The following ATP8A2 variants were observed in gnomAD, a reference collection of about 807,000 sequenced individuals.
The protein encoded by ATP8A2 is phospholipid-transporting ATPase IB.
ATP8A2 carries 100 observed loss-of-function variants against 165.6 expected under a neutral mutation model. The observed-to-expected ratio is 0.60, with a 90% confidence interval of 0.51 to 0.71. The LOEUF (loss-of-function observed/expected upper bound fraction) is 0.71. ATP8A2 is among the 30% of genes least tolerant of loss of function. The pLI is 0.00. For missense variants in ATP8A2, 1,227 were observed against 1,479.5 expected (o/e 0.83, Z 2.80); for synonymous variants, 543 against 548.8 (o/e 0.99, Z 0.15).
At chr13:25,928,679 A>G (rs1173597773) in intron 33 of ATP8A2, among the ~76,000 whole-genome samples, 1 of 152,214 alleles carries the variant, frequency 6.6e-6, no homozygotes, top group Non-Finnish European at 1.5e-5. Context: ...ACTTTCCGTC[A>G]CTATTGTCCA....
intron 27 of ATP8A2, among the ~76,000 whole-genome samples, chr13:25,814,500 C>T (rs1428206569): frequency 6.6e-6 from 1 of 150,742 alleles, no homozygotes; most frequent in Non-Finnish European, 1.5e-5. Context: ...GTAGTCAAAA[C>T]AGTGTGTGTT....
chr13:25,463,614 T>A (rs1005295687), intron 1 of ATP8A2, among the ~76,000 whole-genome samples: 3 of 152,236 alleles, frequency 2.0e-5, no homozygotes, highest in African/African-American at 7.2e-5. Flanking sequence ...TCCTCGCCAG[T>A]GACTTCCACA....
At chr13:25,525,859 G>A (rs1356978262) in intron 2 of ATP8A2, among the ~76,000 whole-genome samples, 1 of 151,942 alleles carries the variant, frequency 6.6e-6, no homozygotes, top group Admixed American at 6.6e-5. Context: ...CTCAAGTTTT[G>A]GAAAGTTTTC....
chr13:25,378,016 G>T (rs1321708520), intron 1 of ATP8A2, among the ~76,000 whole-genome samples: 2 of 152,098 alleles, frequency 1.3e-5, no homozygotes, highest in Non-Finnish European at 2.9e-5. Context: ...TACTTGAGAG[G>T]CTGAGGCAGA....
At chr13:25,813,108 G>A (rs953651767) in intron 27 of ATP8A2, among the ~76,000 whole-genome samples, 3 of 152,000 alleles carry the variant, frequency 2.0e-5, no homozygotes, top group African/African-American at 7.2e-5. Context: ...AAGGCACGCT[G>A]GACTTAATGC....
At chr13:25,460,787 C>G (rs2035483245) in intron 1 of ATP8A2, among the ~76,000 whole-genome samples, 1 of 152,220 alleles carries the variant, frequency 6.6e-6, no homozygotes, top group Admixed American at 6.5e-5. Context: ...CTGCAATGCT[C>G]TGCTTTTTCT....
At position 25,587,751 on chromosome 13, in the gene ATP8A2, C is replaced by G. The variant is rs1481635042; in HGVS notation, c.2147-1884C>G. 2.6e-5 allele frequency among the ~76,000 whole-genome samples: 4 copies of G among 152,160 alleles called. No individual in the cohort carries two copies. In the South Asian group the frequency reaches 8.3e-4, roughly 32 times the overall value. On this transcript the variant is annotated intron_variant, in intron 23 of 36. Transcript: ENST00000381655. The stretch of plus-strand genomic sequence containing the variant: ...TTGCAAGTGAAAAGAAAATGTAGAT[C>G]TCCCTTCTGGACCTAATCTAAGGAC...
intron 24 of ATP8A2, among the ~76,000 whole-genome samples, chr13:25,635,538 C>G (rs1036565981): frequency 6.6e-6 from 1 of 152,110 alleles, no homozygotes; most frequent in Admixed American, 6.5e-5. Flanking sequence ...TGTTTAAATC[C>G]GTTTATTGCA....
intron 21 of ATP8A2, among the ~76,000 whole-genome samples, chr13:25,579,466 C>T (rs1345845432): frequency 6.6e-6 from 1 of 152,140 alleles, no homozygotes; most frequent in East Asian, 1.9e-4. Flanking sequence ...CACGTGGGGC[C>T]TTTCCTTGCT....
chr13:25,669,733 T>G (rs2042226716), intron 24 of ATP8A2, among the ~76,000 whole-genome samples: 1 of 152,326 alleles, frequency 6.6e-6, no homozygotes, highest in East Asian at 1.9e-4. Context: ...CCTTCCCTGC[T>G]TTTTGGTCTG....
intron 24 of ATP8A2, among the ~76,000 whole-genome samples, chr13:25,594,404 A>ATG (rs1002345958): frequency 2.6e-5 from 4 of 152,034 alleles, no homozygotes; most frequent in South Asian, 4.1e-4. Context: ...GCCAGGATTT[A>ATG]TGTGTGTGTG....
intron 24 of ATP8A2, among the ~76,000 whole-genome samples, chr13:25,687,277 T>C (rs942532073): frequency 6.6e-6 from 1 of 152,222 alleles, no homozygotes; most frequent in Non-Finnish European, 1.5e-5. Flanking sequence ...AGTAAGGAAA[T>C]GACCCAGGTG....
chr13:25,403,429 T>G (rs879710780), intron 1 of ATP8A2, among the ~76,000 whole-genome samples: 1 of 152,152 alleles, frequency 6.6e-6, no homozygotes, highest in Non-Finnish European at 1.5e-5. Context: ...TTTATAATAT[T>G]GAGTTAAATC....
chr13:25,576,251 A>G (rs2039615411), intron 19 of ATP8A2, among the ~76,000 whole-genome samples: 1 of 152,180 alleles, frequency 6.6e-6, no homozygotes. Context: ...AGAGACTTAT[A>G]GTCCATTGGG....
At chr13:25,401,998 A>T (rs2033652213) in intron 1 of ATP8A2, among the ~76,000 whole-genome samples, 1 of 152,112 alleles carries the variant, frequency 6.6e-6, no homozygotes, top group Non-Finnish European at 1.5e-5. Flanking sequence ...CAGAATATGG[A>T]CATGAGCCAC....
At chr13:25,541,851 G>A (rs2137993706) in intron 8 of ATP8A2, 68 bp from the exon 9 acceptor site, 1 of 1,564,692 alleles carries the variant, frequency 6.4e-7, no homozygotes, top group Non-Finnish European at 8.8e-7. Flanking sequence ...TTAACCATAG[G>A]GATGCTGAAT....
At chr13:25,386,769 G>T (rs866050509) in intron 1 of ATP8A2, among the ~76,000 whole-genome samples, 1 of 152,044 alleles carries the variant, frequency 6.6e-6, no homozygotes, top group Admixed American at 6.6e-5. Flanking sequence ...AGGCTGAGGC[G>T]GGCGGATCAC....
intron 35 of ATP8A2, among the ~76,000 whole-genome samples, chr13:25,994,015 A>G (rs537844288): frequency 9.8e-5 from 15 of 152,298 alleles, no homozygotes; most frequent in African/African-American, 3.4e-4. Context: ...TTCTTTCATC[A>G]GCATTGTGTA....
intron 24 of ATP8A2, among the ~76,000 whole-genome samples, chr13:25,672,183 G>GT (rs142750744): frequency 0.035 from 5,317 of 152,204 alleles, 156 homozygotes; most frequent in East Asian, 0.13. Context: ...TCTCTCATAT[G>GT]TTTGTTCGGG....
Sources: gnomAD v4.1 joint callset for allele counts (sites outside exome capture counted in the v4.1 genomes callset) on GRCh38, gnomAD v4.1.1 for gene constraint, MANE v1.5 for transcripts, NCBI Gene and HGNC (gene_info 2026-07-23, HGNC 2026-07-21) for gene names.